PANK4: variants seen among roughly 807,000 people sequenced by gnomAD.
The protein encoded by PANK4 is 4'-phosphopantetheine phosphatase.
PANK4 carries 40 observed loss-of-function variants against 87.9 expected under a neutral mutation model. That is an observed-to-expected ratio of 0.46 (90% CI 0.35 to 0.59). PANK4 has a LOEUF of 0.59. Among genes scored for constraint, PANK4 ranks in the 20% least tolerant of loss-of-function variants. The pLI, the probability that PANK4 is intolerant of heterozygous loss-of-function variation, is 0.00. For synonymous variants in PANK4, 524 were observed against 467.4 expected, an observed-to-expected ratio of 1.12 and a Z score of -1.56; for missense variants, 926 against 1,072.3, an observed-to-expected ratio of 0.86 and a Z score of 1.90.
intron 11 of PANK4, 67 bp from the exon 12 acceptor site, chr1:2,514,156 G>A (rs888802178): frequency 7.9e-6 from 11 of 1,393,528 alleles, no homozygotes; most frequent in Admixed American, 6.7e-5. Flanking sequence ...TGCCATCCTC[G>A]GCTGTGCCAC....
Position 2,519,271 on chromosome 1 carries a change from T to C in PANK4, c.907A>G (p.Ile303Val), listed in dbSNP as rs748537673. The C allele has an allele frequency of 1.9e-6, 3 of 1,612,244 alleles. No individual in the cohort carries two copies. The highest frequency in any genetic ancestry group is 2.2e-5 in the South Asian group (2 of 91,064). Residue 303 changes from isoleucine (I) to valine (V), a missense_variant, in exon 7 of 19, where the codon ATT becomes GTT. Ile to Val is a conservative substitution (Grantham distance 29, BLOSUM62 3). Transcript: ENST00000378466. This position sits in a 1 kb window ranked among gnomAD's most constrained non-coding sequence, Gnocchi z 8.3. The part of the protein sequence containing the change: ...KSLLHMISND[I>V]GQLACLHARL... ...GCGTGGAGGCAGGCCAGCTGCCCAA[T>C]GTCGTTGCTGATCATGTGCAGCAGG...
intron 2 of PANK4, 152 bp downstream of exon 2, chr1:2,521,563 ACGG>A (rs1643875462): frequency 1.3e-6 from 1 of 761,536 alleles, no homozygotes; most frequent in African/African-American, 1.7e-5. Flanking sequence ...TTGAAGGGAC[ACGG>A]CGGAAGGCAG....
chr1:2,520,212 C>T lies in PANK4; in HGVS notation c.699+110G>A, dbSNP rs2100789932. The T allele has an allele frequency of 1.9e-6, 2 of 1,044,042 alleles. No homozygotes were observed. Among genetic ancestry groups the T allele is most frequent in the East Asian group, 4.9e-5 (2 of 41,006 alleles). The allele number at this position is 1,044,042 out of a possible 1,614,324, so 64.7% of individuals were successfully genotyped here. A position where few individuals can be genotyped will look rare whatever the true frequency, so the allele number is the denominator to read the frequency against. ...AGGCCAGAGACCCACTGACGCGAGTCAGGAGGGAGGCCCGGAAGCAGCTTT... is the reference window on the plus strand; with the variant it reads ...AGGCCAGAGACCCACTGACGCGAGTTAGGAGGGAGGCCCGGAAGCAGCTTT... On this transcript the variant is annotated intron_variant, in intron 5 of 18. Coordinates refer to ENST00000378466, the MANE Select transcript of PANK4 (RefSeq NM_018216.4). The surrounding 1 kb of genome is among the most constrained non-coding windows in gnomAD (Gnocchi z 6.2).
intron 1 of PANK4, among the ~76,000 whole-genome samples, chr1:2,522,706 AACAGAGG>A (rs1205375335): frequency 1.3e-5 from 2 of 152,302 alleles, no homozygotes; most frequent in Non-Finnish European, 2.9e-5. Flanking sequence ...ACAGTGACTT[AACAGAGG>A]GCACTGTGTG....
intron 14 of PANK4, 46 bp downstream of exon 14, chr1:2,511,582 T>C (rs371309213): frequency 3.8e-5 from 52 of 1,381,968 alleles, no homozygotes; most frequent in South Asian, 2.7e-4. Context: ...CGTCCAGGCA[T>C]GGCCCCAGCA....
At position 2,519,082 on chromosome 1, in the gene PANK4, C is replaced by G. The variant is rs1028873947; in HGVS notation, c.1035+61G>C. 2.0e-6 allele frequency: 3 copies of G among 1,500,866 alleles called. No homozygotes were observed. Among genetic ancestry groups the G allele is most frequent in the Non-Finnish European group, 2.7e-6 (3 of 1,093,128 alleles). 93.0% of individuals were successfully genotyped at this position (1,500,866 alleles called of 1,614,324 possible). On this transcript the variant is annotated intron_variant, in intron 7 of 18. Transcript: ENST00000378466. This position sits in a 1 kb window ranked among gnomAD's most constrained non-coding sequence, Gnocchi z 8.3. ...GTGCTGCGGTGTCTAACCAGCATGA[C>G]TGATTGGGAAGATCCTGGGGGGTCT...
rs150445859 is a variant in PANK4 at position 2,520,615 on chromosome 1, G to A, written c.606+108C>T. ...CTCACAGCCTCGCCACCCCCCTCCCGCCCACTGGGCCCCATCCATGTGCCC... is the reference window on the plus strand; with the variant it reads ...CTCACAGCCTCGCCACCCCCCTCCCACCCACTGGGCCCCATCCATGTGCCC... On this transcript the variant is annotated intron_variant, in intron 4 of 18. Coordinates refer to ENST00000378466, the MANE Select transcript of PANK4 (RefSeq NM_018216.4). The surrounding 1 kb of genome is among the most constrained non-coding windows in gnomAD (Gnocchi z 6.2). 0.011 allele frequency: 9,897 copies of A among 880,874 alleles called. 81 individuals carry two copies. Among genetic ancestry groups the A allele is most frequent in the Non-Finnish European group, 0.012 (7,499 of 608,572 alleles). 54.6% of individuals were successfully genotyped at this position (880,874 alleles called of 1,614,324 possible). A position where few individuals can be genotyped will look rare whatever the true frequency, so the allele number is the denominator to read the frequency against.
Position 2,509,645 on chromosome 1 carries a change from T to C in PANK4, c.2108+217A>G. 1.7e-6 allele frequency: 1 copy of C among 604,160 alleles called. No individual in the cohort carries two copies. The highest frequency in any genetic ancestry group is 3.0e-6 in the Non-Finnish European group (1 of 333,364). 37.4% of individuals were successfully genotyped at this position (604,160 alleles called of 1,614,324 possible). A position where few individuals can be genotyped will look rare whatever the true frequency, so the allele number is the denominator to read the frequency against. ...GCCCCAAGTCCCCAAACCCAGCCCATGTGTAACCACCTCAGACCCTGAATC... is the reference window on the plus strand; with the variant it reads ...GCCCCAAGTCCCCAAACCCAGCCCACGTGTAACCACCTCAGACCCTGAATC... On this transcript the variant is annotated intron_variant, in intron 18 of 18. Transcript: ENST00000378466. The surrounding 1 kb of genome is among the most constrained non-coding windows in gnomAD (Gnocchi z 4.9).
chr1:2,520,798 G>A lies in PANK4; in HGVS notation c.531C>T (p.Phe177=), dbSNP rs754917566. 7 of 1,612,678 alleles carry A rather than the reference G, an allele frequency of 4.3e-6. No homozygotes were observed. The highest frequency in any genetic ancestry group is 5.1e-6 in the Non-Finnish European group (6 of 1,179,494). ...FVYQKDSDPE[F]RFQTNHPHIF... Reference sequence around the variant, plus strand: ...TGTGGGGGTGGTTGGTCTGGAACCGGAACTCAGGGTCGGAATCCTTCTGGT... The same window carrying A: ...TGTGGGGGTGGTTGGTCTGGAACCGAAACTCAGGGTCGGAATCCTTCTGGT... The change falls in exon 4 of 19, where the codon TTC becomes TTT. Residue 177 remains phenylalanine (F), a synonymous_variant. Coordinates refer to ENST00000378466, the MANE Select transcript of PANK4 (RefSeq NM_018216.4). This position sits in a 1 kb window ranked among gnomAD's most constrained non-coding sequence, Gnocchi z 6.2.
At chr1:2,514,500 G>C (rs575050276) in intron 10 of PANK4, 34 bp from the exon 11 acceptor site, 2 of 1,504,146 alleles carry the variant, frequency 1.3e-6, no homozygotes, top group South Asian at 2.3e-5. Flanking sequence ...TTAGTCAAGC[G>C]CTGGCCCTGC....
At position 2,519,397 on chromosome 1, in the gene PANK4, A is replaced by T; in HGVS notation, c.854-73T>A. The T allele has an allele frequency of 2.7e-6, 1 of 376,110 alleles. No homozygotes were observed. Among genetic ancestry groups the T allele is most frequent in the Non-Finnish European group, 3.8e-6 (1 of 266,252 alleles). 23.3% of individuals were successfully genotyped at this position (376,110 alleles called of 1,614,324 possible). On this transcript the variant is annotated intron_variant, in intron 6 of 18. Coordinates refer to ENST00000378466, the MANE Select transcript of PANK4 (RefSeq NM_018216.4). This position sits in a 1 kb window ranked among gnomAD's most constrained non-coding sequence, Gnocchi z 8.3. ...ACGACATGAGAGCGAGCAGGAGGGG[A>T]GGGGGAGAGAGAGCTGAGTGGGAGG...
Position 2,509,428 on chromosome 1 carries a change from C to T in PANK4, c.2109-368G>A, listed in dbSNP as rs542090384. On this transcript the variant is annotated intron_variant, in intron 18 of 18. Coordinates refer to ENST00000378466, the MANE Select transcript of PANK4 (RefSeq NM_018216.4). This position sits in a 1 kb window ranked among gnomAD's most constrained non-coding sequence, Gnocchi z 4.9. ...CAGCGGCCCCAGCACTCAGAACCCG[C>T]TCATTTAAGGGGTTCCTTCCTCCTC... Among the ~76,000 whole-genome samples, 25 of 152,304 alleles carry T rather than the reference C, an allele frequency of 1.6e-4. No individual in the cohort carries two copies. The highest frequency in any genetic ancestry group is 5.8e-4 in the African/African-American group (24 of 41,566).
Position 2,519,997 on chromosome 1 carries a change from C to T in PANK4, c.700-43G>A. 5.3e-6 allele frequency: 8 copies of T among 1,509,326 alleles called. No individual in the cohort carries two copies. The highest frequency in any genetic ancestry group is 7.1e-6 in the Non-Finnish European group (8 of 1,121,716). The allele number at this position is 1,509,326 out of a possible 1,614,324, so 93.5% of individuals were successfully genotyped here. On this transcript the variant is annotated intron_variant, in intron 5 of 18. Coordinates refer to ENST00000378466, the MANE Select transcript of PANK4 (RefSeq NM_018216.4). This position sits in a 1 kb window ranked among gnomAD's most constrained non-coding sequence, Gnocchi z 8.3. ...GGGGCGGGTGAGGCGCCAGGAGCTG[C>T]TGGAATCCCCACGACCCCAGAAACC...
At chr1:2,511,750 G>T (rs935352095) in intron 13 of PANK4, 67 bp from the exon 14 acceptor site, 23 of 931,768 alleles carry the variant, frequency 2.5e-5, no homozygotes, top group Non-Finnish European at 3.2e-5. Flanking sequence ...AGTGCTCAAT[G>T]TGAAGACCCC....
At position 2,510,457 on chromosome 1, in the gene PANK4, C is replaced by A; in HGVS notation, c.1938+221G>T. ...CACCCTTCCAGGAGCCTGGCGTCAA[C>A]CCTGGGCTTCAGCACATGGACCCTC... On this transcript the variant is annotated intron_variant, in intron 16 of 18. Coordinates refer to ENST00000378466, the MANE Select transcript of PANK4 (RefSeq NM_018216.4). The surrounding 1 kb of genome is among the most constrained non-coding windows in gnomAD (Gnocchi z 4.9). 1 of 598,654 alleles carries A rather than the reference C, an allele frequency of 1.7e-6. No homozygotes were observed. Among genetic ancestry groups the A allele is most frequent in the South Asian group, 2.0e-5 (1 of 49,994 alleles). The allele number at this position is 598,654 out of a possible 1,614,324, so 37.1% of individuals were successfully genotyped here. A position where few individuals can be genotyped will look rare whatever the true frequency, so the allele number is the denominator to read the frequency against.
At chr1:2,514,207 G>GC in intron 11 of PANK4, 118 bp from the exon 12 acceptor site, 1 of 1,142,432 alleles carries the variant, frequency 8.8e-7, no homozygotes, top group Non-Finnish European at 1.3e-6. Flanking sequence ...GCTGCTTGAG[G>GC]CGGGGTCCAA....
intron 8 of PANK4, 68 bp from the exon 9 acceptor site, chr1:2,518,332 A>G (rs1643822122): frequency 8.7e-7 from 1 of 1,145,560 alleles, no homozygotes; most frequent in African/African-American, 1.5e-5. Context: ...AGAGTGGAGG[A>G]GGAAAGGGTA....
rs1643692109 is a variant in PANK4 at position 2,513,116 on chromosome 1, TG to T, written c.1576-78del. 6.8e-6 allele frequency: 10 copies of T among 1,460,328 alleles called. No homozygotes were observed. The East Asian group carries it at 2.3e-4, about 34-fold the overall frequency. 90.5% of individuals were successfully genotyped at this position (1,460,328 alleles called of 1,614,324 possible). A position where few individuals can be genotyped will look rare whatever the true frequency, so the allele number is the denominator to read the frequency against. ...CCCTGGACACCTGCCAGGCGCAGCC[TG>T]TTCCATACCACGCCCCTCAGGATCG... is the stretch of plus-strand genomic sequence containing the variant. On this transcript the variant is annotated intron_variant, in intron 12 of 18. Transcript: ENST00000378466.
chr1:2,520,971 G>T lies in PANK4; in HGVS notation c.423-65C>A. ...CAGACAGGTGCAACCATGCAAGCCT[G>T]CCTGGTCCGAAGGGGCAGCCATGCC... On this transcript the variant is annotated intron_variant, in intron 3 of 18. Coordinates refer to ENST00000378466, the MANE Select transcript of PANK4 (RefSeq NM_018216.4). This position sits in a 1 kb window ranked among gnomAD's most constrained non-coding sequence, Gnocchi z 6.2. 1 of 1,532,024 alleles carries T rather than the reference G, an allele frequency of 6.5e-7. No homozygotes were observed. Among genetic ancestry groups the T allele is most frequent in the Non-Finnish European group, 8.8e-7 (1 of 1,130,742 alleles). 94.9% of individuals were successfully genotyped at this position (1,532,024 alleles called of 1,614,324 possible).
Sources: allele counts gnomAD v4.1 joint callset (sites outside exome capture counted in the v4.1 genomes callset), GRCh38; gene constraint gnomAD v4.1.1; non-coding constraint Gnocchi (gnomAD v3.1); transcripts MANE v1.5; gene names NCBI Gene and HGNC (gene_info 2026-07-23, HGNC 2026-07-21).